The following TAF4B variants were observed in gnomAD, a reference collection of about 807,000 sequenced individuals.
TAF4B encodes transcription initiation factor TFIID subunit 4B.
Under a neutral mutation model 86.4 loss-of-function variants are expected in TAF4B, and 38 were observed. That is an observed-to-expected ratio of 0.44 (90% CI 0.34 to 0.58). The LOEUF (loss-of-function observed/expected upper bound fraction) is 0.58. TAF4B is among the 20% of genes least tolerant of loss of function. TAF4B has a pLI of 0.02. For missense variants in TAF4B, 988 were observed against 1,027.6 expected, an observed-to-expected ratio of 0.96 and a Z score of 0.53; for synonymous variants, 388 against 391.2, an observed-to-expected ratio of 0.99 and a Z score of 0.10.
chr18:26,317,861 G>A (rs2056927282), intron 10 of TAF4B, among the ~76,000 whole-genome samples: 1 of 152,174 alleles, frequency 6.6e-6, no homozygotes, highest in African/African-American at 2.4e-5. Flanking sequence ...ACTGGCATTA[G>A]AGCTTCAACA....
chr18:26,237,830 A>G (rs1406219005), intron 1 of TAF4B, among the ~76,000 whole-genome samples: 1 of 152,136 alleles, frequency 6.6e-6, no homozygotes, highest in Non-Finnish European at 1.5e-5. Flanking sequence ...AGAAAAAATA[A>G]GCTGCTTCTT....
At chr18:26,251,772 C>T (rs2056009975) in intron 1 of TAF4B, among the ~76,000 whole-genome samples, 1 of 152,124 alleles carries the variant, frequency 6.6e-6, no homozygotes, top group Non-Finnish European at 1.5e-5. Context: ...TAAGTGCTTT[C>T]TATTATATTA....
rs192794233 is a variant in TAF4B, at chr18:26,346,990, G to A, written c.2317-10700G>A. 5.7e-4 allele frequency among the ~76,000 whole-genome samples: 81 copies of A among 142,216 alleles called. 1 individual carries two copies. The highest frequency in any genetic ancestry group is 1.9e-3 in the African/African-American group (74 of 39,298). The allele number at this position is 142,216 out of a possible 152,430, so 93.3% of individuals were successfully genotyped here. A position where few individuals can be genotyped will look rare whatever the true frequency, so the allele number is the denominator to read the frequency against. ...GGCTGGAGTGCAGTGGCATGATCTCGGCTCACTGCAACCTCCGCCTCCTGG... is the reference window on the plus strand; with the variant it reads ...GGCTGGAGTGCAGTGGCATGATCTCAGCTCACTGCAACCTCCGCCTCCTGG... On this transcript the variant is annotated intron_variant, in intron 13 of 14. Transcript: ENST00000269142.
At position 26,351,312 on chromosome 18, in the gene TAF4B, A is replaced by G. The variant is rs557307737; in HGVS notation, c.2317-6378A>G. Among the ~76,000 whole-genome samples, 4 of 152,314 alleles carry G rather than the reference A, an allele frequency of 2.6e-5. No homozygotes were observed. The South Asian group carries it at 6.2e-4, about 24-fold the overall frequency. On this transcript the variant is annotated intron_variant, in intron 13 of 14. Transcript: ENST00000269142. The stretch of plus-strand genomic sequence containing the variant: ...TCACTGATCTGTGAAAGCTAAAACA[A>G]AGTTGGTCTCATAGAAGTAAAAAGG...
chr18:26,336,346 C>T (rs1469274042), intron 13 of TAF4B, among the ~76,000 whole-genome samples: 1 of 152,110 alleles, frequency 6.6e-6, no homozygotes, highest in Non-Finnish European at 1.5e-5. Context: ...GTGCCAGCAG[C>T]AGCAGGTTAT....
intron 1 of TAF4B, chr18:26,256,467 G>C: frequency 1.6e-6 from 1 of 641,892 alleles, no homozygotes; most frequent in Non-Finnish European, 2.8e-6. Context: ...CCCTACTCCA[G>C]TTTTGTTGAT....
At position 26,391,384 on chromosome 18, in the gene TAF4B, G is replaced by A. The variant is rs970020634; in HGVS notation, c.*1372G>A. On this transcript the variant is annotated 3_prime_UTR_variant, in exon 15 of 15. Coordinates refer to ENST00000269142, the MANE Select transcript of TAF4B (RefSeq NM_005640.3). ...AAGGAAAAAAAAAAAAACACCTCACGTATGTTATTCTTCATCCTGTTCTTC... is the reference window on the plus strand; with the variant it reads ...AAGGAAAAAAAAAAAAACACCTCACATATGTTATTCTTCATCCTGTTCTTC... The A allele has an allele frequency of 6.7e-6, 1 of 149,766 alleles. No homozygotes were observed. The highest frequency in any genetic ancestry group is 2.5e-5 in the African/African-American group (1 of 40,792). The allele number at this position is 149,766 out of a possible 1,614,324, so 9.3% of individuals were successfully genotyped here.
chr18:26,387,856 C>T (rs758087230), intron 14 of TAF4B, among the ~76,000 whole-genome samples: 11 of 152,134 alleles, frequency 7.2e-5, no homozygotes, highest in Non-Finnish European at 1.0e-4. Flanking sequence ...GGTAGTATCT[C>T]TTAAAGAAGT....
rs528322309 is a variant in TAF4B, at chr18:26,321,092, A to G, written c.2025A>G (p.Glu675=). 2 of 1,613,918 alleles carry G rather than the reference A, an allele frequency of 1.2e-6. No individual in the cohort carries two copies. The highest frequency in any genetic ancestry group is 1.7e-5 in the Admixed American group (1 of 60,016). ...LDIGKKHDIT[E]LNSDAVNLIS... ...CAGGTAAAAAGCATGACATTACAGA[A>G]CTTAACTCTGATGCTGTGAACTTGA... Residue 675 remains glutamate, a synonymous_variant, in exon 11 of 15, where the codon GAA becomes GAG. Coordinates refer to ENST00000269142, the MANE Select transcript of TAF4B (RefSeq NM_005640.3).
intron 14 of TAF4B, among the ~76,000 whole-genome samples, chr18:26,388,659 G>A (rs376882256): frequency 4.6e-5 from 7 of 152,322 alleles, no homozygotes; most frequent in Admixed American, 3.3e-4. Context: ...CTGCCTATTG[G>A]CAGAGGAGCC....
intron 11 of TAF4B, among the ~76,000 whole-genome samples, chr18:26,326,404 T>C (rs2057005568): frequency 6.6e-6 from 1 of 152,246 alleles, no homozygotes; most frequent in South Asian, 2.1e-4. Flanking sequence ...CCACAGTTTC[T>C]GTCCAAATTC....
intron 11 of TAF4B, 49 bp downstream of exon 11, chr18:26,321,249 T>C: frequency 6.3e-7 from 1 of 1,596,938 alleles, no homozygotes; most frequent in Non-Finnish European, 8.6e-7. Context: ...TTATAGGTAG[T>C]CTTTTGGGCG....
At chr18:26,269,344 T>G (rs79758731) in intron 3 of TAF4B, among the ~76,000 whole-genome samples, 11,922 of 152,212 alleles carry the variant, frequency 0.078, 573 homozygotes, top group Non-Finnish European at 0.1. Context: ...TTTGATTCAA[T>G]GAGTATGCTG....
At chr18:26,259,322 A>G (rs1391616540) in intron 1 of TAF4B, among the ~76,000 whole-genome samples, 1 of 151,250 alleles carries the variant, frequency 6.6e-6, no homozygotes, top group Non-Finnish European at 1.5e-5. Context: ...TCTAGGGTAC[A>G]TGTACACAAC....
At chr18:26,305,387 T>C (rs550323788) in intron 9 of TAF4B, among the ~76,000 whole-genome samples, 2 of 152,206 alleles carry the variant, frequency 1.3e-5, no homozygotes, top group South Asian at 4.1e-4. Context: ...CAAATTTCAT[T>C]TTAGTGATAT....
intron 1 of TAF4B, among the ~76,000 whole-genome samples, chr18:26,249,640 A>T (rs976992878): frequency 2.6e-5 from 4 of 152,200 alleles, no homozygotes; most frequent in African/African-American, 9.6e-5. Flanking sequence ...CATAATTGGG[A>T]TTCTGTGATA....
rs569897041 is a variant in TAF4B at position 26,269,061 on chromosome 18, A to G, written c.597+1438A>G. Reference sequence around the variant, plus strand: ...CTGGTCTCGAACTCTTGACCAAGTAATCCGCCTACCTCAGCCTCCCAAAGT... The same window carrying G: ...CTGGTCTCGAACTCTTGACCAAGTAGTCCGCCTACCTCAGCCTCCCAAAGT... On this transcript the variant is annotated intron_variant, in intron 3 of 14. Coordinates refer to ENST00000269142, the MANE Select transcript of TAF4B (RefSeq NM_005640.3). Among the ~76,000 whole-genome samples, 3 of 152,140 alleles carry G rather than the reference A, an allele frequency of 2.0e-5. No homozygotes were observed. In the East Asian group the frequency reaches 5.8e-4, roughly 29 times the overall value.
At chr18:26,303,638 C>T (rs199515346) in intron 9 of TAF4B, among the ~76,000 whole-genome samples, 7 of 1,464 alleles carry the variant, frequency 4.8e-3, no homozygotes, top group Non-Finnish European at 0.013. Flanking sequence ...ACTTTCATAC[C>T]CCCTCCACTT....
chr18:26,310,856 G>C (rs2056847577), intron 9 of TAF4B, among the ~76,000 whole-genome samples: 1 of 151,408 alleles, frequency 6.6e-6, no homozygotes, highest in Non-Finnish European at 1.5e-5. Flanking sequence ...CTTGGGTACA[G>C]TATACTTTAT....
Sources: allele counts gnomAD v4.1 joint callset (sites outside exome capture counted in the v4.1 genomes callset), GRCh38; gene constraint gnomAD v4.1.1; transcripts MANE v1.5; gene names NCBI Gene and HGNC (gene_info 2026-07-23, HGNC 2026-07-21).